The following NME7 variants were observed in gnomAD, a reference collection of about 807,000 sequenced individuals.
NME7 encodes the protein NME/NM23 family member 7.
A neutral mutation model predicts 49.1 loss-of-function variants in NME7; 41 were observed. That is an observed-to-expected ratio of 0.83 (90% CI 0.65 to 1.08). The LOEUF (loss-of-function observed/expected upper bound fraction) is 1.08, where lower values mean the gene tolerates loss of function less well. Ranked by LOEUF, NME7 falls within the 50% of genes least tolerant of loss-of-function variation. The pLI, the probability that NME7 is intolerant of heterozygous loss-of-function variation, is 0.00. For synonymous variants in NME7, 139 were observed against 150.6 expected, an observed-to-expected ratio of 0.92 and a Z score of 0.56; for missense variants, 423 against 463.4, an observed-to-expected ratio of 0.91 and a Z score of 0.80.
At chr1:169,160,139 G>C (rs1659203169) in intron 11 of NME7, among the ~76,000 whole-genome samples, 1 of 151,978 alleles carries the variant, frequency 6.6e-6, no homozygotes, top group East Asian at 1.9e-4. Flanking sequence ...TTATTCCTGG[G>C]GTCTCTGTAG....
rs1396585636 is a variant in NME7 at position 169,259,467 on chromosome 1, T to C, written c.755-21780A>G. Among the ~76,000 whole-genome samples, 2 of 134,010 alleles carry C rather than the reference T, an allele frequency of 1.5e-5. 1 individual carries two copies. Among genetic ancestry groups the C allele is most frequent in the Non-Finnish European group, 3.5e-5 (2 of 56,956 alleles). 87.9% of individuals were successfully genotyped at this position (134,010 alleles called of 152,430 possible). On this transcript the variant is annotated intron_variant, in intron 7 of 11. Coordinates refer to ENST00000367811, the MANE Select transcript of NME7 (RefSeq NM_013330.5). ...TTCATTTTGTTGTGTTTCCTTCTATTTGAAAGGGAAGGAAGAAAATGCAAC... is the reference window on the plus strand; with the variant it reads ...TTCATTTTGTTGTGTTTCCTTCTATCTGAAAGGGAAGGAAGAAAATGCAAC...
At chr1:169,329,069 A>G (rs934939240) in intron 1 of NME7, among the ~76,000 whole-genome samples, 1 of 152,190 alleles carries the variant, frequency 6.6e-6, no homozygotes, top group African/African-American at 2.4e-5. Flanking sequence ...CCAATCCTGA[A>G]GAAACAGAGA....
intron 1 of NME7, among the ~76,000 whole-genome samples, chr1:169,348,556 A>C (rs1296617106): frequency 6.6e-6 from 1 of 152,164 alleles, no homozygotes; most frequent in Non-Finnish European, 1.5e-5. Context: ...AATATGATTA[A>C]AATTAATAAG....
intron 6 of NME7, among the ~76,000 whole-genome samples, chr1:169,298,135 G>T (rs1168109951): frequency 6.6e-6 from 1 of 152,096 alleles, no homozygotes; most frequent in Non-Finnish European, 1.5e-5. Context: ...ATAAACACTA[G>T]CTATATATAG....
chr1:169,243,647 A>G (rs1232204043), intron 7 of NME7, among the ~76,000 whole-genome samples: 1 of 152,180 alleles, frequency 6.6e-6, no homozygotes, highest in African/African-American at 2.4e-5. Context: ...TTCACCATGT[A>G]AAGGCACAGT....
At position 169,132,779 on chromosome 1, in the gene NME7, ACAC is replaced by A. The variant is rs1250826315; in HGVS notation, c.*3_*5del. 6.2e-7 allele frequency: 1 copy of A among 1,612,906 alleles called. No homozygotes were observed. The highest frequency in any genetic ancestry group is 2.2e-5 in the East Asian group (1 of 44,812). Reference sequence around the variant, plus strand: ...CCAACCTGTGACTTCTTTACTTTCCACACCACTAATTATCCAAGATCTTGAAGA... The same window carrying A: ...CCAACCTGTGACTTCTTTACTTTCCACACTAATTATCCAAGATCTTGAAGA... On this transcript the variant is annotated 3_prime_UTR_variant, in exon 12 of 12. Coordinates refer to ENST00000367811, the MANE Select transcript of NME7 (RefSeq NM_013330.5).
At chr1:169,237,241 A>C (rs1346509163) in intron 8 of NME7, among the ~76,000 whole-genome samples, 1 of 152,100 alleles carries the variant, frequency 6.6e-6, no homozygotes, top group African/African-American at 2.4e-5. Flanking sequence ...CTCTTCCTTC[A>C]TTATTTGTTT....
intron 7 of NME7, among the ~76,000 whole-genome samples, chr1:169,275,428 G>C (rs1314320778): frequency 2.7e-5 from 3 of 110,450 alleles, no homozygotes; most frequent in Non-Finnish European, 6.1e-5. Flanking sequence ...GCAGTGAGTC[G>C]AGATCGCGCC....
At chr1:169,243,996 ATATT>A (rs1249763140) in intron 7 of NME7, among the ~76,000 whole-genome samples, 2 of 151,872 alleles carry the variant, frequency 1.3e-5, no homozygotes, top group Non-Finnish European at 2.9e-5. Context: ...AATAATCAAA[ATATT>A]TAGTTGGCAT....
At chr1:169,296,315 A>G (rs1367725171) in intron 6 of NME7, among the ~76,000 whole-genome samples, 4 of 152,130 alleles carry the variant, frequency 2.6e-5, no homozygotes, top group Non-Finnish European at 4.4e-5. Flanking sequence ...ATCCATTCTT[A>G]GTCCTCTTCT....
intron 10 of NME7, among the ~76,000 whole-genome samples, chr1:169,227,194 G>A (rs752220538): frequency 1.2e-4 from 19 of 152,152 alleles, no homozygotes; most frequent in Non-Finnish European, 2.2e-4. Context: ...TCACTCCCCA[G>A]CTCCTCCCGA....
intron 1 of NME7, among the ~76,000 whole-genome samples, chr1:169,326,716 A>G (rs1483133654): frequency 6.6e-6 from 1 of 152,200 alleles, no homozygotes; most frequent in Non-Finnish European, 1.5e-5. Context: ...TTACCTTTAC[A>G]GTAAAAACTG....
intron 3 of NME7, among the ~76,000 whole-genome samples, chr1:169,312,751 C>T (rs1356461124): frequency 6.6e-6 from 1 of 152,038 alleles, no homozygotes; most frequent in Non-Finnish European, 1.5e-5. Flanking sequence ...CAGTATAGTG[C>T]TATTGCTATG....
At chr1:169,258,727 A>G (rs901763258) in intron 7 of NME7, among the ~76,000 whole-genome samples, 1 of 132,934 alleles carries the variant, frequency 7.5e-6, no homozygotes, top group African/African-American at 2.5e-5. Flanking sequence ...AGCATATACT[A>G]TATACACTGA....
At chr1:169,349,425 A>G (rs952903570) in intron 1 of NME7, among the ~76,000 whole-genome samples, 4 of 152,200 alleles carry the variant, frequency 2.6e-5, no homozygotes, top group Non-Finnish European at 4.4e-5. Flanking sequence ...TGAAATTATC[A>G]AACAGCCACT....
intron 1 of NME7, among the ~76,000 whole-genome samples, chr1:169,363,619 C>T (rs1220177900): frequency 6.6e-6 from 1 of 152,162 alleles, no homozygotes; most frequent in Non-Finnish European, 1.5e-5. Flanking sequence ...TGCAGCCACC[C>T]CTGCACCATC....
intron 4 of NME7, among the ~76,000 whole-genome samples, 164 bp downstream of exon 4, chr1:169,309,806 A>G (rs1651315015): frequency 6.6e-6 from 1 of 152,148 alleles, no homozygotes; most frequent in Non-Finnish European, 1.5e-5. Flanking sequence ...TGTCAGTAAC[A>G]TTCTAGATGA....
At chr1:169,210,708 C>T (rs1660786603) in intron 10 of NME7, among the ~76,000 whole-genome samples, 1 of 151,390 alleles carries the variant, frequency 6.6e-6, no homozygotes. Context: ...CCAGTTACGT[C>T]ATAATCACAA....
intron 1 of NME7, among the ~76,000 whole-genome samples, chr1:169,352,741 T>C (rs1571414017): frequency 6.6e-6 from 1 of 152,160 alleles, no homozygotes; most frequent in South Asian, 2.1e-4. Flanking sequence ...CATACAAATA[T>C]CAGTAGCATT....
Sources: allele counts gnomAD v4.1 joint callset (sites outside exome capture counted in the v4.1 genomes callset), GRCh38; gene constraint gnomAD v4.1.1; transcripts MANE v1.5; gene names NCBI Gene and HGNC (gene_info 2026-07-23, HGNC 2026-07-21).